Variants in PRUNE2 observed in about 807,000 individuals in gnomAD.
The protein encoded by PRUNE2 is protein prune homolog 2.
In PRUNE2, 164 loss-of-function variants were observed where a neutral mutation model predicts 252.0. The observed-to-expected ratio is 0.65, with a 90% CI of 0.57 to 0.74. PRUNE2 has a LOEUF of 0.74. PRUNE2 is among the 30% of genes least tolerant of loss of function. The pLI, the probability that PRUNE2 is intolerant of heterozygous loss-of-function variation, is 0.00. For missense variants in PRUNE2, 3,495 were observed against 3,711.0 expected (o/e 0.94, Z 1.51); for synonymous variants, 1,292 against 1,350.2 (o/e 0.96, Z 0.94).
chr9:76,642,297 T>G (rs1037256854), intron 12 of PRUNE2, among the ~76,000 whole-genome samples: 6 of 152,230 alleles, frequency 3.9e-5, no homozygotes, highest in African/African-American at 1.4e-4. Flanking sequence ...GTAAGTAATG[T>G]ACCAAGGTTA....
chr9:76,635,857 A>G (rs1298308337), intron 15 of PRUNE2, among the ~76,000 whole-genome samples: 4 of 152,240 alleles, frequency 2.6e-5, no homozygotes, highest in Non-Finnish European at 5.9e-5. Context: ...TATATTATGA[A>G]CATAACTTAT....
At chr9:76,842,910 C>G (rs188352317) in intron 4 of PRUNE2, among the ~76,000 whole-genome samples, 40 of 152,276 alleles carry the variant, frequency 2.6e-4, no homozygotes, top group African/African-American at 9.6e-4. Flanking sequence ...TTGTGGAAGA[C>G]AGTGTGGCGA....
intron 9 of PRUNE2, among the ~76,000 whole-genome samples, chr9:76,658,080 C>T (rs771229320): frequency 9.2e-5 from 14 of 152,298 alleles, no homozygotes; most frequent in South Asian, 2.1e-4. Flanking sequence ...AAGGCTAGGC[C>T]GGGCGCAGTG....
chr9:76,864,954 T>A (rs184791310), intron 1 of PRUNE2, among the ~76,000 whole-genome samples: 2 of 152,232 alleles, frequency 1.3e-5, no homozygotes, highest in South Asian at 4.1e-4. Flanking sequence ...CCCTGTCAAC[T>A]GCAGAATATA....
chr9:76,747,680 T>C (rs941268107), intron 6 of PRUNE2, among the ~76,000 whole-genome samples: 9 of 152,228 alleles, frequency 5.9e-5, no homozygotes, highest in Non-Finnish European at 1.3e-4. Context: ...AAATGGATAC[T>C]TGAAGAAGTT....
chr9:76,657,625 A>G (rs1254112557), intron 9 of PRUNE2, among the ~76,000 whole-genome samples: 1 of 152,222 alleles, frequency 6.6e-6, no homozygotes, highest in Non-Finnish European at 1.5e-5. Flanking sequence ...AAAGGGGATA[A>G]TACCCAACAT....
chr9:76,710,755 G>A lies in PRUNE2; in HGVS notation c.1519C>T (p.Gln507Ter). ...TAGTCTGCAGAATGAGAAGATTGCT[G>A]GGACTGCCCAGAAGCCATGGGTGCT... ...DPAPMASGQS[Q>*]QSSHSADYSP... Residue 507 changes from glutamine (Q) to a stop codon, truncating the protein, a stop_gained, in exon 8 of 19, where the codon CAG becomes TAG. Coordinates refer to ENST00000376718, the MANE Select transcript of PRUNE2 (RefSeq NM_015225.3). LOFTEE classifies it high-confidence loss of function. 6.2e-7 allele frequency: 1 copy of A among 1,610,654 alleles called. No individual in the cohort carries two copies. Among genetic ancestry groups the A allele is most frequent in the Non-Finnish European group, 8.5e-7 (1 of 1,178,512 alleles).
In PRUNE2 at chr9:76,804,621, A is replaced by G. The variant is rs114149922; in HGVS notation, c.756+19011T>C. Among the ~76,000 whole-genome samples, 488 of 152,174 alleles carry G rather than the reference A, an allele frequency of 3.2e-3. 4 individuals carry two copies. The highest frequency in any genetic ancestry group is 0.012 in the African/African-American group (478 of 41,512). ...TTCTCTGTGACAGCACAGCGACTTT[A>G]TGGACAGCATTGAGTTTCTTCTGGC... On this transcript the variant is annotated intron_variant, in intron 6 of 18. Coordinates refer to ENST00000376718, the MANE Select transcript of PRUNE2 (RefSeq NM_015225.3).
At chr9:76,764,723 C>T (rs534007902) in intron 6 of PRUNE2, among the ~76,000 whole-genome samples, 1 of 152,278 alleles carries the variant, frequency 6.6e-6, no homozygotes, top group South Asian at 2.1e-4. Context: ...GGAGCAGGGA[C>T]ACCAGTTAAG....
intron 9 of PRUNE2, among the ~76,000 whole-genome samples, chr9:76,667,749 G>A (rs1370011388): frequency 6.6e-6 from 1 of 152,210 alleles, no homozygotes; most frequent in Non-Finnish European, 1.5e-5. Flanking sequence ...TGACTTTTCT[G>A]GAGGTGGAAT....
chr9:76,770,435 T>C (rs2052965695), intron 6 of PRUNE2, among the ~76,000 whole-genome samples: 1 of 152,192 alleles, frequency 6.6e-6, no homozygotes. Context: ...TTTTAAAATA[T>C]GTTAATGGCT....
rs921399430 is a variant in PRUNE2 at position 76,641,937 on chromosome 9, G to A, written c.8728+2802C>T. On this transcript the variant is annotated intron_variant, in intron 12 of 18. Coordinates refer to ENST00000376718, the MANE Select transcript of PRUNE2 (RefSeq NM_015225.3). ...CAACTCTTCTCCTCATTCTTTCCAG[G>A]GTCATTTGTCCAGCAAGACTTCAGA... The A allele has an allele frequency of 8.5e-6, 13 of 1,526,568 alleles. No homozygotes were observed. In the African/African-American group the frequency reaches 1.7e-4, roughly 20 times the overall value. The allele number at this position is 1,526,568 out of a possible 1,614,324, so 94.6% of individuals were successfully genotyped here. A position where few individuals can be genotyped will look rare whatever the true frequency, so the allele number is the denominator to read the frequency against.
intron 5 of PRUNE2, among the ~76,000 whole-genome samples, chr9:76,824,826 T>G (rs1173275480): frequency 6.6e-6 from 1 of 152,208 alleles, no homozygotes; most frequent in African/African-American, 2.4e-5. Flanking sequence ...TATTTTTCTT[T>G]GACTCAAAAA....
intron 1 of PRUNE2, chr9:76,863,279 C>T (rs996396805): frequency 6.6e-6 from 1 of 152,062 alleles, no homozygotes; most frequent in African/African-American, 2.4e-5. Context: ...CATAAAAATA[C>T]CTAGTTTTCA....
At position 76,825,196 on chromosome 9, in the gene PRUNE2, C is replaced by T. The variant is rs550078838; in HGVS notation, c.661+1384G>A. 7.2e-5 allele frequency among the ~76,000 whole-genome samples: 11 copies of T among 152,324 alleles called. No individual in the cohort carries two copies. The South Asian group carries it at 1.9e-3, about 26-fold the overall frequency. On this transcript the variant is annotated intron_variant, in intron 5 of 18. Transcript: ENST00000376718. ...CAGTGGTCTGCTGGTAAATGTTTAA[C>T]GGCCAGTAACAAATCCTGATTTGTA...
In PRUNE2 at chr9:76,670,806, C is replaced by T. The variant is rs552727032; in HGVS notation, c.8277-15304G>A. On this transcript the variant is annotated intron_variant, in intron 9 of 18. Coordinates refer to ENST00000376718, the MANE Select transcript of PRUNE2 (RefSeq NM_015225.3). ...AGCAGGGGCACACTGACACCTCACA[C>T]GGCAGGGTACTCCAACAGACCTGCA... Among the ~76,000 whole-genome samples the T allele has an allele frequency of 8.3e-4, 125 of 150,444 alleles. 1 individual carries two copies. The highest frequency in any genetic ancestry group is 3.4e-3 in the Middle Eastern group (1 of 292).
At chr9:76,731,779 C>A (rs10869808) in intron 6 of PRUNE2, among the ~76,000 whole-genome samples, 28,463 of 152,040 alleles carry the variant, frequency 0.19, 3,161 homozygotes, top group East Asian at 0.49. Flanking sequence ...TATAAAAAGG[C>A]CTTGAGCTTT....
chr9:76,622,167 A>G (rs557320700), intron 17 of PRUNE2, among the ~76,000 whole-genome samples: 1 of 152,234 alleles, frequency 6.6e-6, no homozygotes, highest in Non-Finnish European at 1.5e-5. Flanking sequence ...TATGCAGCAT[A>G]AATTTACTGA....
intron 3 of PRUNE2, among the ~76,000 whole-genome samples, chr9:76,848,182 T>C (rs1284495365): frequency 6.6e-6 from 1 of 152,232 alleles, no homozygotes; most frequent in Non-Finnish European, 1.5e-5. Flanking sequence ...GAGAATCGCC[T>C]GAACCTCGGA....
Sources: gnomAD v4.1 joint callset for allele counts (sites outside exome capture counted in the v4.1 genomes callset) on GRCh38, gnomAD v4.1.1 for gene constraint, MANE v1.5 for transcripts, NCBI Gene and HGNC (gene_info 2026-07-23, HGNC 2026-07-21) for gene names.